Variants in TRPM3 observed in about 807,000 individuals in gnomAD.
TRPM3 encodes transient receptor potential cation channel subfamily M member 3, also known as long transient receptor potential channel 3.
TRPM3 carries 77 observed loss-of-function variants against 181.2 expected under a neutral mutation model. That is an observed-to-expected ratio of 0.42 (90% CI 0.35 to 0.51). TRPM3 has a LOEUF of 0.51. TRPM3 is among the 20% of genes least tolerant of loss of function. The probability of loss-of-function intolerance (pLI) is 0.01; values close to 1 mark genes in which losing one functional copy is unlikely to be tolerated. For missense variants in TRPM3, 1,759 were observed against 2,196.7 expected (o/e 0.80, Z 3.98); for synonymous variants, 745 against 796.4 (o/e 0.94, Z 1.09).
At chr9:71,171,435 G>T (rs1189665172) in intron 1 of TRPM3, among the ~76,000 whole-genome samples, 1 of 152,000 alleles carries the variant, frequency 6.6e-6, no homozygotes. Flanking sequence ...TGTCTCCCCC[G>T]AACACCCGGC....
intron 6 of TRPM3, among the ~76,000 whole-genome samples, chr9:70,816,372 T>A (rs922138630): frequency 1.3e-5 from 2 of 152,226 alleles, no homozygotes; most frequent in Admixed American, 1.3e-4. Flanking sequence ...GGTGTAAGAA[T>A]CCTTTAAATC....
intron 1 of TRPM3, among the ~76,000 whole-genome samples, chr9:70,989,910 C>T (rs1012086627): frequency 9.9e-5 from 15 of 152,234 alleles, no homozygotes; most frequent in South Asian, 2.1e-4. Flanking sequence ...GTGAGAATAA[C>T]ACCTAACATT....
intron 1 of TRPM3, chr9:70,917,227 G>A (rs1333465799): frequency 1.3e-6 from 2 of 1,580,796 alleles, no homozygotes; most frequent in Non-Finnish European, 1.7e-6. Flanking sequence ...CAAAATACAG[G>A]GCAATAGCAG....
At chr9:71,023,872 C>T (rs497934) in intron 1 of TRPM3, among the ~76,000 whole-genome samples, 5 of 152,100 alleles carry the variant, frequency 3.3e-5, no homozygotes, top group African/African-American at 9.7e-5. Context: ...TTATAAAAAG[C>T]GTGACCCAAA....
intron 1 of TRPM3, among the ~76,000 whole-genome samples, chr9:71,128,874 A>G (rs1187763042): frequency 6.6e-6 from 1 of 152,126 alleles, no homozygotes; most frequent in Non-Finnish European, 1.5e-5. Flanking sequence ...AACCTCACAT[A>G]TACCTTCTCA....
intron 1 of TRPM3, among the ~76,000 whole-genome samples, chr9:71,130,622 T>C (rs1394806428): frequency 6.6e-6 from 1 of 152,198 alleles, no homozygotes; most frequent in African/African-American, 2.4e-5. Context: ...ATTTGATTTA[T>C]AGCAGCTTCT....
intron 1 of TRPM3, among the ~76,000 whole-genome samples, chr9:71,207,152 A>G (rs1002558626): frequency 1.3e-5 from 2 of 152,162 alleles, no homozygotes; most frequent in African/African-American, 2.4e-5. Context: ...TTTATAAATC[A>G]AACAGCCAGT....
chr9:71,251,491 T>A (rs7027219), intron 1 of TRPM3, among the ~76,000 whole-genome samples: 41,656 of 152,028 alleles, frequency 0.27, 6,768 homozygotes, highest in African/African-American at 0.45. Context: ...AAAAAAATTA[T>A]AGTTTAATAT....
chr9:70,960,216 C>T (rs2097123829), intron 1 of TRPM3, among the ~76,000 whole-genome samples: 1 of 151,748 alleles, frequency 6.6e-6, no homozygotes, highest in Non-Finnish European at 1.5e-5. Flanking sequence ...TACGTGAACA[C>T]TCATTTCAAA....
chr9:70,798,056 T>C (rs2087713425), intron 6 of TRPM3, among the ~76,000 whole-genome samples: 1 of 152,120 alleles, frequency 6.6e-6, no homozygotes, highest in African/African-American at 2.4e-5. Context: ...TACTATTTCT[T>C]TCTTTCTTTA....
chr9:71,321,427 C>T (rs1208874775), intron 1 of TRPM3, among the ~76,000 whole-genome samples: 2 of 152,248 alleles, frequency 1.3e-5, no homozygotes, highest in East Asian at 1.9e-4. Flanking sequence ...CCCTCCCTTG[C>T]TTAGACCACT....
At chr9:70,781,346 A>AAAAAAAAAAAAAAAAAG (rs1564254422) in intron 7 of TRPM3, among the ~76,000 whole-genome samples, 35 of 147,494 alleles carry the variant, frequency 2.4e-4, no homozygotes, top group Non-Finnish European at 2.9e-4. Flanking sequence ...AAAAAAAAAA[A>AAAAAAAAAAAAAAAAAG]AAAGAAAACA....
At chr9:71,094,073 C>T (rs972491382) in intron 1 of TRPM3, among the ~76,000 whole-genome samples, 3 of 75,282 alleles carry the variant, frequency 4.0e-5, no homozygotes, top group African/African-American at 1.6e-4. Context: ...ACATCACACA[C>T]TGGGGCCTGT....
chr9:70,878,258 A>T (rs1366879186), intron 1 of TRPM3, among the ~76,000 whole-genome samples: 1 of 152,066 alleles, frequency 6.6e-6, no homozygotes, highest in Non-Finnish European at 1.5e-5. Flanking sequence ...AGAAGTCTTT[A>T]ATTTATCAAG....
intron 1 of TRPM3, among the ~76,000 whole-genome samples, chr9:70,911,024 T>G (rs2096532132): frequency 6.6e-6 from 1 of 152,208 alleles, no homozygotes; most frequent in South Asian, 2.1e-4. Context: ...GTTTACTGAG[T>G]CTGAAAAGTG....
chr9:71,244,806 C>T (rs1805173528), intron 1 of TRPM3, among the ~76,000 whole-genome samples: 1 of 152,144 alleles, frequency 6.6e-6, no homozygotes, highest in Admixed American at 6.6e-5. Flanking sequence ...AAATAAACCA[C>T]AGGCTACAAT....
At chr9:70,872,763 G>A (rs1051609901) in intron 1 of TRPM3, among the ~76,000 whole-genome samples, 1 of 151,898 alleles carries the variant, frequency 6.6e-6, no homozygotes, top group Non-Finnish European at 1.5e-5. Flanking sequence ...CAGATGATGT[G>A]GCCCCAGCAC....
intron 1 of TRPM3, among the ~76,000 whole-genome samples, chr9:71,303,324 G>A (rs2086949515): frequency 6.6e-6 from 1 of 152,208 alleles, no homozygotes; most frequent in African/African-American, 2.4e-5. Flanking sequence ...AACACCAAGT[G>A]GAGTTAATTA....
intron 1 of TRPM3, among the ~76,000 whole-genome samples, chr9:70,988,245 A>T (rs988231832): frequency 3.3e-5 from 5 of 152,218 alleles, no homozygotes; most frequent in Non-Finnish European, 7.3e-5. Context: ...ATTAAAATAC[A>T]TACTAATGTT....
Sources: gnomAD v4.1 joint callset for allele counts (sites outside exome capture counted in the v4.1 genomes callset) on GRCh38, gnomAD v4.1.1 for gene constraint, MANE v1.5 for transcripts, NCBI Gene and HGNC (gene_info 2026-07-23, HGNC 2026-07-21) for gene names.